DPY19L3: variants seen among roughly 807,000 people sequenced by gnomAD.
The protein encoded by DPY19L3 is dpy-19 like C-mannosyltransferase 3.
Under a neutral mutation model 92.3 loss-of-function variants are expected in DPY19L3, and 51 were observed. That is an observed-to-expected ratio of 0.55 (90% confidence interval 0.44 to 0.70). DPY19L3 has a LOEUF of 0.70. Among genes scored for constraint, DPY19L3 ranks in the 30% least tolerant of loss-of-function variants. The pLI is 0.00. For synonymous variants in DPY19L3, 309 were observed against 315.2 expected (o/e 0.98, Z 0.21); for missense variants, 706 against 855.9 (o/e 0.82, Z 2.18).
intron 15 of DPY19L3, among the ~76,000 whole-genome samples, chr19:32,466,209 A>C (rs907991342): frequency 6.6e-6 from 1 of 152,186 alleles, no homozygotes; most frequent in African/African-American, 2.4e-5. Flanking sequence ...ATAAGAAGTA[A>C]ACTGTCCTAG....
At chr19:32,436,691 TA>T (rs1430383700) in intron 5 of DPY19L3, 124 bp downstream of exon 5, 6 of 905,910 alleles carry the variant, frequency 6.6e-6, no homozygotes, top group Non-Finnish European at 9.4e-6. Context: ...AGCAATACTA[TA>T]TTTTTTTTCC....
intron 14 of DPY19L3, among the ~76,000 whole-genome samples, chr19:32,464,519 T>C (rs1970142515): frequency 6.6e-6 from 1 of 152,132 alleles, no homozygotes; most frequent in Non-Finnish European, 1.5e-5. Context: ...GGCATATATT[T>C]ACAAAGCAAA....
In DPY19L3 at chr19:32,454,966, A is replaced by T. The variant is rs370340923; in HGVS notation, c.1015A>T (p.Asn339Tyr). The part of the protein sequence containing the change: ...QKNLKTGSFL[N>Y]RLGKLLLHLF... ...AAATCTGAAAACTGGAAGCTTCCTT[A>T]ATAGGCTTGGGAAACTTTTGTTACA... Residue 339 changes from asparagine to tyrosine, a missense_variant, in exon 10 of 19, where the codon AAT (asparagine) becomes TAT (tyrosine). Asn to Tyr is a moderately radical substitution (Grantham distance 143). Coordinates refer to ENST00000392250, the MANE Select transcript of DPY19L3 (RefSeq NM_001172774.2). 300 of 1,571,414 alleles carry T rather than the reference A, an allele frequency of 1.9e-4. 3 individuals are homozygous for T. The Middle Eastern group carries it at 6.3e-3, about 33-fold the overall frequency.
intron 18 of DPY19L3, chr19:32,481,063 G>A (rs1172869244): frequency 9.6e-6 from 3 of 313,202 alleles, no homozygotes; most frequent in Non-Finnish European, 1.7e-5. Flanking sequence ...AGGCTAAGTT[G>A]CACTCCAGAG....
chr19:32,453,220 C>A lies in DPY19L3; in HGVS notation c.931C>A (p.Leu311Ile). The change falls in exon 9 of 19, where the codon CTT becomes ATT. Residue 311 changes from leucine to isoleucine, a missense_variant. Coordinates refer to ENST00000392250, the MANE Select transcript of DPY19L3 (RefSeq NM_001172774.2). The stretch of plus-strand genomic sequence containing the variant: ...TCTTCAGTTTTTTAATTCCATGATT[C>A]TTGGATCACTGCTTATCAGTTTTAA... ...CILQFFNSMI[L>I]GSLLISFNLS... 1.2e-6 allele frequency: 2 copies of A among 1,613,962 alleles called. No individual in the cohort carries two copies. Among genetic ancestry groups the A allele is most frequent in the Non-Finnish European group, 1.7e-6 (2 of 1,179,954 alleles).
chr19:32,465,342 T>C lies in DPY19L3; in HGVS notation c.1614+558T>C, dbSNP rs978196795. Among the ~76,000 whole-genome samples, 14 of 152,318 alleles carry C rather than the reference T, an allele frequency of 9.2e-5. No homozygotes were observed. The South Asian group carries it at 2.3e-3, about 25-fold the overall frequency. On this transcript the variant is annotated intron_variant, in intron 15 of 18. Transcript: ENST00000392250. ...ATGAACTGCCCTTTAATTCAGAGAA[T>C]TTCTTATCAGAGACAATGATCATTG... is the stretch of plus-strand genomic sequence containing the variant.
Position 32,458,202 on chromosome 19 carries a change from C to G in DPY19L3, c.1163+29C>G, listed in dbSNP as rs372413088. On this transcript the variant is annotated intron_variant, in intron 11 of 18. Coordinates refer to ENST00000392250, the MANE Select transcript of DPY19L3 (RefSeq NM_001172774.2). ...TAACTGAATTGAAAGTCTATGTTTG[C>G]TATTTTCTATTGAATCAGCAGGGAC... The G allele has an allele frequency of 1.1e-5, 17 of 1,601,374 alleles. No individual in the cohort carries two copies. The African/African-American group carries it at 2.2e-4, about 20-fold the overall frequency.
intron 4 of DPY19L3, among the ~76,000 whole-genome samples, chr19:32,435,835 ACAGCAGGT>A (rs1159791506): frequency 6.6e-6 from 1 of 152,188 alleles, no homozygotes; most frequent in East Asian, 1.9e-4. Flanking sequence ...GATCTCTGTA[ACAGCAGGT>A]CAAGTTCTCC....
chr19:32,414,424 A>AC (rs1044133262), intron 3 of DPY19L3, among the ~76,000 whole-genome samples: 12 of 151,118 alleles, frequency 7.9e-5, no homozygotes, highest in Middle Eastern at 3.4e-3. Context: ...CCAAAAAAAA[A>AC]AAACAAACAA....
chr19:32,462,407 A>C (rs1021593217), intron 12 of DPY19L3, among the ~76,000 whole-genome samples: 2 of 152,198 alleles, frequency 1.3e-5, no homozygotes, highest in African/African-American at 2.4e-5. Context: ...TGGAATTTTC[A>C]ATTTAATATT....
intron 13 of DPY19L3, 102 bp from the exon 14 acceptor site, chr19:32,463,767 A>T: frequency 9.6e-7 from 1 of 1,047,100 alleles, no homozygotes; most frequent in Non-Finnish European, 1.4e-6. Context: ...TTTAAGTAAG[A>T]TTTTGCCGTC....
chr19:32,474,145 T>G (rs1252171432), intron 16 of DPY19L3, among the ~76,000 whole-genome samples: 1 of 152,244 alleles, frequency 6.6e-6, no homozygotes, highest in Non-Finnish European at 1.5e-5. Flanking sequence ...TGAGGATATA[T>G]GTATTTTACT....
chr19:32,458,116 A>G lies in DPY19L3; in HGVS notation c.1106A>G (p.Lys369Arg), dbSNP rs144319074. ...NNIIKKILNLKSDEHIFKFLK... is the reference protein window; with the variant it reads ...NNIIKKILNLRSDEHIFKFLK... ...CCCCGATAGAAAATTCTTAACCTGA[A>G]GTCAGATGAACACATATTTAAATTT... Residue 369 changes from lysine (K) to arginine (R), a missense_variant, in exon 11 of 19, where the codon AAG becomes AGG. Coordinates refer to ENST00000392250, the MANE Select transcript of DPY19L3 (RefSeq NM_001172774.2). 1.0e-4 allele frequency: 164 copies of G among 1,613,386 alleles called. No individual in the cohort carries two copies. Among genetic ancestry groups the G allele is most frequent in the Admixed American group, 5.0e-4 (30 of 59,866 alleles).
At chr19:32,437,125 A>G in intron 5 of DPY19L3, 69 bp from the exon 6 acceptor site, 16 of 1,582,138 alleles carry the variant, frequency 1.0e-5, no homozygotes, top group Non-Finnish European at 1.4e-5. Context: ...TCCTACTGTC[A>G]TGTTTTAAAT....
At chr19:32,408,757 T>C (rs1968072324) in intron 2 of DPY19L3, among the ~76,000 whole-genome samples, 2 of 152,104 alleles carry the variant, frequency 1.3e-5, no homozygotes, top group Non-Finnish European at 2.9e-5. Context: ...TTTTTAAAAA[T>C]TCTTTATAAT....
chr19:32,461,600 T>C (rs1970042706), intron 12 of DPY19L3, among the ~76,000 whole-genome samples: 1 of 152,218 alleles, frequency 6.6e-6, no homozygotes, highest in Non-Finnish European at 1.5e-5. Context: ...ATTCCAATTG[T>C]GAATTACCAA....
At chr19:32,467,444 A>C in intron 15 of DPY19L3, 1 of 987,378 alleles carries the variant, frequency 1.0e-6, no homozygotes, top group African/African-American at 1.7e-5. Flanking sequence ...TTTAATCAGT[A>C]ATTTTTACTA....
At chr19:32,423,153 AAAACT>A (rs1968631150) in intron 3 of DPY19L3, among the ~76,000 whole-genome samples, 1 of 152,190 alleles carries the variant, frequency 6.6e-6, no homozygotes, top group Middle Eastern at 3.2e-3. Context: ...CTATAGGACT[AAAACT>A]AAAAATTAGT....
At chr19:32,436,327 T>G in intron 4 of DPY19L3, 119 bp from the exon 5 acceptor site, 1 of 656,040 alleles carries the variant, frequency 1.5e-6, no homozygotes, top group Middle Eastern at 5.1e-4. Flanking sequence ...TTGCTTACTC[T>G]TATATCCCCA....
Sources: allele counts gnomAD v4.1 joint callset (sites outside exome capture counted in the v4.1 genomes callset), GRCh38; gene constraint gnomAD v4.1.1; transcripts MANE v1.5; gene names NCBI Gene and HGNC (gene_info 2026-07-23, HGNC 2026-07-21).